The following KRT18 variants were observed in gnomAD, a reference collection of about 807,000 sequenced individuals.
KRT18 encodes keratin 18, also known as keratin, type I cytoskeletal 18.
KRT18 carries 8 observed loss-of-function variants against 39.9 expected under a neutral mutation model. The observed-to-expected ratio is 0.20, with a 90% CI of 0.12 to 0.36. The LOEUF is 0.36. Among genes scored for constraint, KRT18 ranks in the 10% least tolerant of loss-of-function variants. The pLI, the probability that KRT18 is intolerant of heterozygous loss-of-function variation, is 1.00. For synonymous variants in KRT18, 194 were observed against 227.8 expected, an observed-to-expected ratio of 0.85 and a Z score of 1.33; for missense variants, 396 against 565.7, an observed-to-expected ratio of 0.70 and a Z score of 3.04.
Position 52,952,872 on chromosome 12 carries a change from G to A in KRT18, c.*30G>A, listed in dbSNP as rs754273472. ...GCAGAAGCAGGGTACCCTTTGGGGA[G>A]CAGGAGGCCAATAAAAAGTTCAGAG... On this transcript the variant is annotated 3_prime_UTR_variant, in exon 7 of 7. Transcript: ENST00000388835. The A allele has an allele frequency of 3.1e-5, 49 of 1,596,322 alleles. No homozygotes were observed. The highest frequency in any genetic ancestry group is 4.2e-5 in the Non-Finnish European group (49 of 1,174,792).
At position 52,952,727 on chromosome 12, in the gene KRT18, G is replaced by A. The variant is rs903196253; in HGVS notation, c.1178G>A (p.Gly393Asp). The change falls in exon 7 of 7, where the codon GGT becomes GAT. Residue 393 changes from glycine to aspartate, a missense_variant. By Grantham distance (94) the Gly-to-Asp change is moderately conservative. Coordinates refer to ENST00000388835, the MANE Select transcript of KRT18 (RefSeq NM_000224.3). Reference protein sequence around the residue: ...LLEDGEDFNLGDALDSSNSMQ... With the variant: ...LLEDGEDFNLDDALDSSNSMQ... ...GGCTTGGTCTTCTGTTACAGTCTTG[G>A]TGATGCCTTGGACAGCAGCAACTCC... 6.2e-7 allele frequency: 1 copy of A among 1,612,544 alleles called. No individual in the cohort carries two copies. Among genetic ancestry groups the A allele is most frequent in the African/African-American group, 1.3e-5 (1 of 74,842 alleles).
intron 1 of KRT18, 21 bp from the exon 2 acceptor site, chr12:52,950,307 C>G (rs1198807643): frequency 6.4e-7 from 1 of 1,555,674 alleles, no homozygotes; most frequent in South Asian, 1.1e-5. Context: ...ATGGAACAAC[C>G]TCTCTCTACA....
In KRT18 at chr12:52,952,159, G is replaced by C; in HGVS notation, c.989G>C (p.Arg330Pro). Residue 330 changes from arginine (R) to proline (P), a missense_variant, in exon 6 of 7, where the codon CGC (arginine) becomes CCC (proline). Transcript: ENST00000388835. ...AACAGCCTGAGGGAGGTGGAGGCCCGCTACGCCCTACAGATGGAGCAGCTC... is the reference window on the plus strand; with the variant it reads ...AACAGCCTGAGGGAGGTGGAGGCCCCCTACGCCCTACAGATGGAGCAGCTC... ...LENSLREVEA[R>P]YALQMEQLNG... 6.4e-7 allele frequency: 1 copy of C among 1,573,846 alleles called. No homozygotes were observed. The highest frequency in any genetic ancestry group is 8.6e-7 in the Non-Finnish European group (1 of 1,159,424).
rs1167709907 is a variant in KRT18, at chr12:52,951,465, C to T, written c.658-16C>T. On this transcript the variant is annotated splice_polypyrimidine_tract_variant and intron_variant, in intron 3 of 6. Coordinates refer to ENST00000388835, the MANE Select transcript of KRT18 (RefSeq NM_000224.3). ...TGACCCTGAACCCTCCTCACTTTTG[C>T]CCCTGTCACCTTTAGGAAGTAAAAG... is the stretch of plus-strand genomic sequence containing the variant. 4.3e-6 allele frequency: 7 copies of T among 1,613,744 alleles called. No individual in the cohort carries two copies. Among genetic ancestry groups the T allele is most frequent in the Admixed American group, 1.7e-5 (1 of 60,004 alleles).
At chr12:52,952,084 G>C (rs765261749) in intron 5 of KRT18, 35 bp from the exon 6 acceptor site, 1 of 1,499,180 alleles carries the variant, frequency 6.7e-7, no homozygotes, top group South Asian at 1.2e-5. Context: ...TGGGACTCTG[G>C]GCTCACCCTG....
At position 52,951,657 on chromosome 12, in the gene KRT18, G is replaced by C. The variant is rs1370276141; in HGVS notation, c.822+12G>C. 6.2e-7 allele frequency: 1 copy of C among 1,613,522 alleles called. No homozygotes were observed. The highest frequency in any genetic ancestry group is 2.2e-5 in the East Asian group (1 of 44,886). On this transcript the variant is annotated intron_variant, in intron 4 of 6. Transcript: ENST00000388835. ...ACTGGTCTCAGCAGGTGCGTGAGGGGAGGGGATGGCTGCCAAGGTGTGGGA... is the reference window on the plus strand; with the variant it reads ...ACTGGTCTCAGCAGGTGCGTGAGGGCAGGGGATGGCTGCCAAGGTGTGGGA...
At chr12:52,950,306 C>T (rs753545854) in intron 1 of KRT18, 22 bp from the exon 2 acceptor site, 1 of 1,553,860 alleles carries the variant, frequency 6.4e-7, no homozygotes, top group Non-Finnish European at 8.9e-7. Flanking sequence ...CATGGAACAA[C>T]CTCTCTCTAC....
rs1455718895 is a variant in KRT18, at chr12:52,952,166, C to T, written c.996C>T (p.Ala332=). The part of the protein sequence containing the change: ...NSLREVEARY[A]LQMEQLNGIL... ...TGAGGGAGGTGGAGGCCCGCTACGC[C>T]CTACAGATGGAGCAGCTCAACGGGA... The change falls in exon 6 of 7, where the codon GCC becomes GCT. Residue 332 remains alanine (A), a synonymous_variant. Coordinates refer to ENST00000388835, the MANE Select transcript of KRT18 (RefSeq NM_000224.3). The T allele has an allele frequency of 6.3e-7, 1 of 1,580,184 alleles. No homozygotes were observed. Among genetic ancestry groups the T allele is most frequent in the Non-Finnish European group, 8.6e-7 (1 of 1,163,022 alleles).
chr12:52,949,066 C>CG, upstream of KRT18: 2 of 1,068,690 alleles, frequency 1.9e-6, no homozygotes, highest in Non-Finnish European at 2.9e-6. Context: ...GGCTCCGGGG[C>CG]GGGGGCGGGG....
At chr12:52,950,587 C>G in intron 2 of KRT18, 163 bp from the exon 3 acceptor site, 2 of 829,070 alleles carry the variant, frequency 2.4e-6, no homozygotes, top group East Asian at 2.5e-5. Context: ...TTTAAGAATA[C>G]TGTCCTCCAA....
At chr12:52,951,908 C>T in intron 5 of KRT18, 52 bp downstream of exon 5, 1 of 1,601,534 alleles carries the variant, frequency 6.2e-7, no homozygotes, top group Non-Finnish European at 8.5e-7. Flanking sequence ...GGCCTCAGAC[C>T]CAACCCTGTC....
chr12:52,950,720 G>C (rs370450965), intron 2 of KRT18, 30 bp from the exon 3 acceptor site: 158 of 1,602,098 alleles, frequency 9.9e-5, no homozygotes, highest in Non-Finnish European at 1.2e-4. Context: ...TCAGAGATAG[G>C]GGCCCCTCTG....
chr12:52,949,620 G>T, intron 1 of KRT18, 30 bp downstream of exon 1: 1 of 1,589,616 alleles, frequency 6.3e-7, no homozygotes, highest in Non-Finnish European at 8.6e-7. Flanking sequence ...TCAACTCCCA[G>T]CCTTGTCTGA....
chr12:52,952,787 T>TA lies in KRT18; in HGVS notation c.1239dup (p.Val414SerfsTer8), dbSNP rs1435833164. The TA allele has an allele frequency of 6.2e-7, 1 of 1,612,918 alleles. No individual in the cohort carries two copies. Among genetic ancestry groups the TA allele is most frequent in the African/African-American group, 1.3e-5 (1 of 74,902 alleles). On this transcript the variant is annotated frameshift_variant, in exon 7 of 7. Coordinates refer to ENST00000388835, the MANE Select transcript of KRT18 (RefSeq NM_000224.3). LOFTEE classifies it high-confidence loss of function. ...ATCCAAAAGACCACCACCCGCCGGA[T>TA]AGTGGATGGCAAAGTGGTGTCTGAG...
At position 52,949,809 on chromosome 12, in the gene KRT18, G is replaced by A. The variant is rs770975850; in HGVS notation, c.417+219G>A. 1.0e-4 allele frequency: 73 copies of A among 707,458 alleles called. No homozygotes were observed. The East Asian group carries it at 1.7e-3, about 16-fold the overall frequency. The allele number at this position is 707,458 out of a possible 1,614,324, so 43.8% of individuals were successfully genotyped here. On this transcript the variant is annotated intron_variant, in intron 1 of 6. Transcript: ENST00000388835. ...CCCAGGAGAGAGGGGGAAGGGGACAGGGTTGAGAGCTTTACAGAGGAAGTG... is the reference window on the plus strand; with the variant it reads ...CCCAGGAGAGAGGGGGAAGGGGACAAGGTTGAGAGCTTTACAGAGGAAGTG...
upstream of KRT18, chr12:52,949,037 T>C (rs1942405548): frequency 6.1e-6 from 5 of 813,020 alleles, no homozygotes; most frequent in Non-Finnish European, 6.1e-6. Context: ...CGTCCACCTG[T>C]GGCTCCGGCT....
At chr12:52,949,723 C>A in intron 1 of KRT18, 133 bp downstream of exon 1, 1 of 826,496 alleles carries the variant, frequency 1.2e-6, no homozygotes, top group Non-Finnish European at 2.1e-6. Flanking sequence ...ACCTGGATTT[C>A]CATCCGCGCA....
chr12:52,950,305 A>T, intron 1 of KRT18, 23 bp from the exon 2 acceptor site: 1 of 1,550,398 alleles, frequency 6.4e-7, no homozygotes, highest in Non-Finnish European at 8.9e-7. Flanking sequence ...TCATGGAACA[A>T]CCTCTCTCTA....
chr12:52,949,356 G>C lies in KRT18; in HGVS notation c.183G>C (p.Gly61=), dbSNP rs1942424940. 1.2e-6 allele frequency: 2 copies of C among 1,610,860 alleles called. No homozygotes were observed. The highest frequency in any genetic ancestry group is 2.7e-5 in the African/African-American group (2 of 75,002). Residue 61 remains glycine (G), a synonymous_variant, in exon 1 of 7, where the codon GGG becomes GGC. Transcript: ENST00000388835. ...GCTTCAGGGGCGGCATGGGGTCCGG[G>C]GGCCTGGCCACCGGGATAGCCGGGG... ...STSFRGGMGS[G]GLATGIAGGL...
Sources: gnomAD v4.1 joint callset for allele counts on GRCh38, gnomAD v4.1.1 for gene constraint, MANE v1.5 for transcripts, NCBI Gene and HGNC (gene_info 2026-07-23, HGNC 2026-07-21) for gene names.